Variants in MCCC1 observed in about 807,000 individuals in gnomAD.
MCCC1 encodes methylcrotonoyl-CoA carboxylase subunit alpha, mitochondrial.
A neutral mutation model predicts 83.8 loss-of-function variants in MCCC1; 64 were observed. That is an observed-to-expected ratio of 0.76 (90% CI 0.62 to 0.94). MCCC1 has a LOEUF of 0.94. MCCC1 is among the 40% of genes least tolerant of loss of function. The pLI is 0.00. For missense variants in MCCC1, 807 were observed against 904.7 expected (o/e 0.89, Z 1.39); for synonymous variants, 322 against 315.4 (o/e 1.02, Z -0.22).
Position 183,032,282 on chromosome 3 carries a change from A to T in MCCC1, c.1681+1709T>A, listed in dbSNP as rs559566679. Among the ~76,000 whole-genome samples, 3 of 152,316 alleles carry T rather than the reference A, an allele frequency of 2.0e-5. No individual in the cohort carries two copies. The East Asian group carries it at 5.8e-4, about 29-fold the overall frequency. On this transcript the variant is annotated intron_variant, in intron 14 of 18. Coordinates refer to ENST00000265594, the MANE Select transcript of MCCC1 (RefSeq NM_020166.5). ...TATATGAATTACAATCAAATATGTA[A>T]TTCTTCTGTTCAATTCAGGTTGAAG...
chr3:183,058,015 G>GAATA (rs1330890027), intron 7 of MCCC1, among the ~76,000 whole-genome samples: 3 of 151,656 alleles, frequency 2.0e-5, no homozygotes, highest in Non-Finnish European at 4.4e-5. Context: ...ATGAATGAAT[G>GAATA]AATAAATATT....
At chr3:183,056,540 C>T (rs1440524238) in intron 8 of MCCC1, among the ~76,000 whole-genome samples, 1 of 152,128 alleles carries the variant, frequency 6.6e-6, no homozygotes, top group African/African-American at 2.4e-5. Context: ...ACGAGAGACT[C>T]TCTCTTCTCT....
At chr3:183,088,209 TG>T (rs201345735) in intron 3 of MCCC1, among the ~76,000 whole-genome samples, 6,853 of 141,954 alleles carry the variant, frequency 0.048, 298 homozygotes, top group Non-Finnish European at 0.07. Context: ...TGTTGTTGTG[TG>T]TTTTTTTTTT....
At chr3:183,107,422 GA>G (rs1377570408) in intron 1 of MCCC1, among the ~76,000 whole-genome samples, 7 of 139,606 alleles carry the variant, frequency 5.0e-5, no homozygotes, top group South Asian at 4.2e-4. Context: ...AAAAAAAAAA[GA>G]AAAAGAAAAA....
At chr3:183,091,916 T>C (rs896595067) in intron 3 of MCCC1, among the ~76,000 whole-genome samples, 1 of 152,026 alleles carries the variant, frequency 6.6e-6, no homozygotes, top group Admixed American at 6.6e-5. Flanking sequence ...AGGGCACCTA[T>C]AGTTCCAGCT....
upstream of MCCC1, among the ~76,000 whole-genome samples, chr3:183,102,495 A>C (rs1222794773): frequency 2.6e-5 from 4 of 152,210 alleles, no homozygotes; most frequent in Non-Finnish European, 5.9e-5. Context: ...TAAAATGAAT[A>C]TTAAGAGTTT....
intron 4 of MCCC1, among the ~76,000 whole-genome samples, chr3:183,077,616 T>A (rs1045426921): frequency 9.4e-6 from 1 of 105,868 alleles, no homozygotes; most frequent in East Asian, 2.2e-4. Context: ...AGCTTTGAAG[T>A]CAATTTTATC....
At chr3:183,046,279 T>G (rs1337727465) in intron 9 of MCCC1, among the ~76,000 whole-genome samples, 17 of 152,264 alleles carry the variant, frequency 1.1e-4, no homozygotes, top group Admixed American at 1.1e-3. Context: ...GAATTTTATA[T>G]AAATGAAATC....
chr3:183,052,485 CAA>C (rs1040151316), intron 8 of MCCC1, among the ~76,000 whole-genome samples: 58 of 152,252 alleles, frequency 3.8e-4, no homozygotes, highest in African/African-American at 1.3e-3. Flanking sequence ...CTGGTGTCAA[CAA>C]AACGACTTCA....
chr3:183,040,741 AAAAC>A (rs983942502), intron 11 of MCCC1, among the ~76,000 whole-genome samples: 5 of 151,042 alleles, frequency 3.3e-5, no homozygotes, highest in African/African-American at 9.9e-5. Flanking sequence ...AACAAACAAA[AAAAC>A]AAACAAACAA....
At chr3:183,023,777 T>G (rs1391935027) in intron 15 of MCCC1, among the ~76,000 whole-genome samples, 1 of 152,214 alleles carries the variant, frequency 6.6e-6, no homozygotes, top group Non-Finnish European at 1.5e-5. Context: ...TACCTTACTA[T>G]AGGAATTTGA....
chr3:183,020,284 A>G (rs759336983), intron 16 of MCCC1, 47 bp from the exon 17 acceptor site: 1 of 1,383,140 alleles, frequency 7.2e-7, no homozygotes, highest in Admixed American at 1.7e-5. Flanking sequence ...TCCTATCACT[A>G]TATTTTTACT....
intron 18 of MCCC1, among the ~76,000 whole-genome samples, chr3:183,015,911 GT>G (rs549666072): frequency 5.2e-4 from 71 of 135,422 alleles, no homozygotes; most frequent in Admixed American, 6.8e-4. Flanking sequence ...GCTTGCTTTT[GT>G]TTTTTTTTTT....
chr3:183,098,628 G>C (rs1326733448), intron 1 of MCCC1: 1 of 152,284 alleles, frequency 6.6e-6, no homozygotes, highest in Non-Finnish European at 1.5e-5. Context: ...AAGAAGCAAA[G>C]CTATCTACAA....
chr3:183,053,179 A>C (rs1006098128), intron 8 of MCCC1, among the ~76,000 whole-genome samples: 1 of 152,160 alleles, frequency 6.6e-6, no homozygotes, highest in Non-Finnish European at 1.5e-5. Flanking sequence ...AAGGTTAAAA[A>C]GTTAAAACAG....
At chr3:183,094,149 A>C (rs1463819739) in intron 2 of MCCC1, among the ~76,000 whole-genome samples, 1 of 151,416 alleles carries the variant, frequency 6.6e-6, no homozygotes, top group Non-Finnish European at 1.5e-5. Flanking sequence ...CCTGGGTTCA[A>C]GCAATTCTCC....
At chr3:183,077,768 G>A (rs1224410937) in intron 4 of MCCC1, among the ~76,000 whole-genome samples, 1 of 152,080 alleles carries the variant, frequency 6.6e-6, no homozygotes, top group Non-Finnish European at 1.5e-5. Context: ...TATATTGTAA[G>A]TTAATTTTTT....
At chr3:183,078,131 T>C (rs1180185533) in intron 4 of MCCC1, among the ~76,000 whole-genome samples, 2 of 152,190 alleles carry the variant, frequency 1.3e-5, no homozygotes, top group Non-Finnish European at 2.9e-5. Flanking sequence ...GCGATTCTCC[T>C]GCCTCAGCCT....
At chr3:183,031,649 C>G (rs1405179059) in intron 14 of MCCC1, among the ~76,000 whole-genome samples, 1 of 151,776 alleles carries the variant, frequency 6.6e-6, no homozygotes, top group Non-Finnish European at 1.5e-5. Flanking sequence ...AGGCGCCCAC[C>G]ACCATGCCTG....
Sources: gnomAD v4.1 joint callset for allele counts (sites outside exome capture counted in the v4.1 genomes callset) on GRCh38, gnomAD v4.1.1 for gene constraint, MANE v1.5 for transcripts, NCBI Gene and HGNC (gene_info 2026-07-23, HGNC 2026-07-21) for gene names.